Variants in FREM3 observed in about 807,000 individuals in gnomAD.
FREM3 encodes the protein FRAS1-related extracellular matrix protein 3.
In FREM3, 105 loss-of-function variants were observed where a neutral mutation model predicts 129.1. That is an observed-to-expected ratio of 0.81 (90% confidence interval 0.69 to 0.96). The LOEUF (loss-of-function observed/expected upper bound fraction) is 0.96, where lower values mean the gene tolerates loss of function less well. Ranked by LOEUF, FREM3 falls within the 40% of genes least tolerant of loss-of-function variation. FREM3 has a pLI of 0.00. For synonymous variants in FREM3, 1,014 were observed against 1,044.9 expected, an observed-to-expected ratio of 0.97 and a Z score of 0.57; for missense variants, 2,593 against 2,666.3, an observed-to-expected ratio of 0.97 and a Z score of 0.61.
At chr4:143,669,260 T>A (rs1739922167) in intron 2 of FREM3, among the ~76,000 whole-genome samples, 1 of 152,148 alleles carries the variant, frequency 6.6e-6, no homozygotes, top group South Asian at 2.1e-4. Context: ...CTCACACAGA[T>A]CATAACTCTA....
rs185641600 is a variant in FREM3, at chr4:143,696,966, C to T, written c.3710G>A (p.Arg1237Gln). ...ELHFQLTALP[R>Q]HGRIIQQLAT... ...CAGCTGCTGTATGATTCGTCCATGC[C>T]GAGGGAGGGCTGTGAGTTGAAAGTG... is the stretch of plus-strand genomic sequence containing the variant. The change falls in exon 1 of 8, where the codon CGG becomes CAG. Residue 1237 changes from arginine (R) to glutamine (Q), a missense_variant. Arg to Gln is a conservative substitution (Grantham distance 43). This residue lies in a region of FREM3 where 2,276 missense variants were observed against 2,267.2 expected (regional missense o/e 1.00). Transcript: ENST00000329798. The T allele has an allele frequency of 2.0e-3, 3,002 of 1,537,640 alleles. 68 individuals are homozygous for T. In the Admixed American group the frequency reaches 0.042, roughly 21 times the overall value.
intron 2 of FREM3, among the ~76,000 whole-genome samples, chr4:143,676,098 T>TTTTA (rs1232653088): frequency 6.6e-6 from 1 of 152,136 alleles, no homozygotes; most frequent in Non-Finnish European, 1.5e-5. Context: ...AGAAAGAGAA[T>TTTTA]TTTAGACCAA....
intron 6 of FREM3, among the ~76,000 whole-genome samples, chr4:143,587,863 A>G (rs527502181): frequency 1.3e-4 from 20 of 152,176 alleles, no homozygotes; most frequent in Admixed American, 3.3e-4. Context: ...TCCTCAACCT[A>G]TTTAGCATTT....
chr4:143,695,410 C>T, intron 1 of FREM3, 81 bp downstream of exon 1: 1 of 1,220,748 alleles, frequency 8.2e-7, no homozygotes, highest in Non-Finnish European at 1.1e-6. Context: ...TGGCTGAGAT[C>T]AGGACAATTT....
At chr4:143,664,070 C>G (rs1329997752) in intron 2 of FREM3, among the ~76,000 whole-genome samples, 1 of 152,108 alleles carries the variant, frequency 6.6e-6, no homozygotes, top group African/African-American at 2.4e-5. Context: ...CGTCTGAAGT[C>G]TTCTTCTCTC....
intron 2 of FREM3, among the ~76,000 whole-genome samples, chr4:143,645,409 A>T (rs1739396967): frequency 6.6e-6 from 1 of 152,202 alleles, no homozygotes; most frequent in African/African-American, 2.4e-5. Context: ...CTCAGTCTAG[A>T]TGTTGCTGTG....
chr4:143,586,707 T>C (rs945850054), intron 6 of FREM3, among the ~76,000 whole-genome samples: 7 of 152,192 alleles, frequency 4.6e-5, no homozygotes, highest in African/African-American at 1.7e-4. Context: ...GCAAATACAC[T>C]TATCCATACC....
intron 2 of FREM3, among the ~76,000 whole-genome samples, chr4:143,642,365 C>T (rs1292828243): frequency 1.3e-5 from 2 of 151,990 alleles, no homozygotes; most frequent in Admixed American, 6.6e-5. Context: ...TTTGGAGGCA[C>T]CACACTACCT....
intron 2 of FREM3, among the ~76,000 whole-genome samples, chr4:143,663,229 T>A (rs1356999636): frequency 6.6e-6 from 1 of 152,164 alleles, no homozygotes; most frequent in Non-Finnish European, 1.5e-5. Flanking sequence ...TACCGGTTGT[T>A]CCTTTCCATG....
At chr4:143,645,961 A>T (rs1739407051) in intron 2 of FREM3, among the ~76,000 whole-genome samples, 1 of 152,164 alleles carries the variant, frequency 6.6e-6, no homozygotes, top group African/African-American at 2.4e-5. Context: ...GCTTGTTTTA[A>T]TTCAGTAAGG....
chr4:143,686,240 A>G (rs1046310677), intron 2 of FREM3, among the ~76,000 whole-genome samples: 12 of 152,208 alleles, frequency 7.9e-5, no homozygotes, highest in Non-Finnish European at 1.6e-4. Context: ...GAGACATTAT[A>G]TAGTGGTAAA....
At chr4:143,617,091 T>C (rs923776730) in intron 5 of FREM3, among the ~76,000 whole-genome samples, 3 of 152,166 alleles carry the variant, frequency 2.0e-5, no homozygotes, top group Non-Finnish European at 2.9e-5. Flanking sequence ...AGAGAGTGAC[T>C]AATGAGAAGA....
chr4:143,584,549 G>A (rs963348897), intron 7 of FREM3, among the ~76,000 whole-genome samples: 22 of 152,172 alleles, frequency 1.4e-4, no homozygotes, highest in African/African-American at 4.1e-4. Context: ...TTATATAATC[G>A]TAAAGGGTTT....
intron 6 of FREM3, among the ~76,000 whole-genome samples, chr4:143,596,909 GTC>G (rs1738493875): frequency 6.6e-6 from 1 of 152,154 alleles, no homozygotes; most frequent in Non-Finnish European, 1.5e-5. Context: ...TTGCACAGCA[GTC>G]TGAGGAAAAG....
chr4:143,579,530 G>A (rs149656142), intron 7 of FREM3, among the ~76,000 whole-genome samples: 43 of 152,282 alleles, frequency 2.8e-4, no homozygotes, highest in African/African-American at 9.9e-4. Context: ...GTATCTCATG[G>A]ACTTTGACTC....
rs753014805 is a variant in FREM3 at position 143,662,143 on chromosome 4, G to GT, written c.5275+30969dup. ...TTGCCTTCTGCTAGCTTTTGAATGT[G>GT]TTTGCTCTTGCTTTTCTAGTTCTTT... is the stretch of plus-strand genomic sequence containing the variant. On this transcript the variant is annotated intron_variant, in intron 2 of 7. Transcript: ENST00000329798. Among the ~76,000 whole-genome samples the GT allele has an allele frequency of 1.4e-3, 211 of 152,130 alleles. 1 individual carries two copies. Among genetic ancestry groups the GT allele is most frequent in the Non-Finnish European group, 2.7e-3 (181 of 68,002 alleles).
chr4:143,688,075 C>G, intron 2 of FREM3, among the ~76,000 whole-genome samples: 1 of 152,120 alleles, frequency 6.6e-6, no homozygotes, highest in East Asian at 1.9e-4. Flanking sequence ...GTCAAACTGT[C>G]ACTGTTTGCT....
intron 2 of FREM3, among the ~76,000 whole-genome samples, chr4:143,657,734 A>G (rs1256834522): frequency 1.3e-5 from 2 of 152,118 alleles, no homozygotes; most frequent in African/African-American, 4.8e-5. Flanking sequence ...GAATTAGCTA[A>G]TTTTTAGAGA....
intron 2 of FREM3, among the ~76,000 whole-genome samples, chr4:143,631,668 AAAAC>A (rs764182143): frequency 6.6e-5 from 10 of 152,152 alleles, no homozygotes; most frequent in Non-Finnish European, 1.3e-4. Flanking sequence ...TGAATGGAGC[AAAAC>A]AAGTAGAAAG....
Sources: allele counts gnomAD v4.1 joint callset (sites outside exome capture counted in the v4.1 genomes callset), GRCh38; gene constraint gnomAD v4.1.1; regional missense constraint gnomAD v4.1.1; transcripts MANE v1.5; gene names NCBI Gene and HGNC (gene_info 2026-07-23, HGNC 2026-07-21).